PRKCE: variants seen among roughly 807,000 people sequenced by gnomAD.
PRKCE encodes protein kinase C epsilon type.
In PRKCE, 16 loss-of-function variants were observed where a neutral mutation model predicts 85.4. That is an observed-to-expected ratio of 0.19 (90% confidence interval 0.13 to 0.28). The LOEUF (loss-of-function observed/expected upper bound fraction) is 0.28, where lower values mean the gene tolerates loss of function less well. Ranked by LOEUF, PRKCE falls within the 10% of genes least tolerant of loss-of-function variation. PRKCE has a pLI of 1.00. For synonymous variants in PRKCE, 388 were observed against 371.5 expected (o/e 1.04, Z -0.51); for missense variants, 573 against 975.2 (o/e 0.59, Z 5.49).
chr2:46,017,734 A>G (rs1706288337), intron 10 of PRKCE, among the ~76,000 whole-genome samples: 1 of 152,232 alleles, frequency 6.6e-6, no homozygotes, highest in African/African-American at 2.4e-5. Context: ...TTTATTTGAT[A>G]GTAGCCATTC....
At chr2:46,083,173 TCTC>T in intron 10 of PRKCE, among the ~76,000 whole-genome samples, 1 of 152,286 alleles carries the variant, frequency 6.6e-6, no homozygotes, top group African/African-American at 2.4e-5. Flanking sequence ...TTGATCTCGA[TCTC>T]CTGGCCTCAA....
chr2:45,828,382 A>C (rs1244948197), intron 1 of PRKCE, among the ~76,000 whole-genome samples: 1 of 152,260 alleles, frequency 6.6e-6, no homozygotes, highest in Non-Finnish European at 1.5e-5. Context: ...TCTGGGCAAC[A>C]GAGCGAGACT....
chr2:45,694,472 T>A (rs1022728206), intron 1 of PRKCE, among the ~76,000 whole-genome samples: 1 of 152,214 alleles, frequency 6.6e-6, no homozygotes, highest in Admixed American at 6.5e-5. Context: ...GCCTTCCCCA[T>A]CTAAGTGCTA....
intron 11 of PRKCE, among the ~76,000 whole-genome samples, chr2:46,094,732 A>G (rs1670514479): frequency 6.6e-6 from 1 of 152,004 alleles, no homozygotes; most frequent in East Asian, 1.9e-4. Context: ...GCAGACCACC[A>G]TGGCATGCAT....
At chr2:45,677,380 C>T (rs868368537) in intron 1 of PRKCE, among the ~76,000 whole-genome samples, 58 of 135,920 alleles carry the variant, frequency 4.3e-4, no homozygotes, top group African/African-American at 1.2e-3. Context: ...GACGGAGTCT[C>T]GCTCTGTCGC....
At chr2:46,052,895 C>T (rs1041511026) in intron 10 of PRKCE, among the ~76,000 whole-genome samples, 4 of 152,196 alleles carry the variant, frequency 2.6e-5, no homozygotes, top group African/African-American at 9.7e-5. Context: ...CAAGACCATT[C>T]AATGGGAAAA....
intron 1 of PRKCE, among the ~76,000 whole-genome samples, chr2:45,728,564 C>T (rs754961174): frequency 1.1e-4 from 16 of 152,094 alleles, no homozygotes; most frequent in African/African-American, 3.1e-4. Context: ...GCCCACGTGC[C>T]GCTGGAATCT....
chr2:45,793,281 T>G (rs1445237180), intron 1 of PRKCE, among the ~76,000 whole-genome samples: 1 of 152,218 alleles, frequency 6.6e-6, no homozygotes, highest in Non-Finnish European at 1.5e-5. Context: ...CCCCAATTTC[T>G]CCATCTGTTT....
chr2:45,734,273 G>A (rs1681850110), intron 1 of PRKCE, among the ~76,000 whole-genome samples: 1 of 151,992 alleles, frequency 6.6e-6, no homozygotes, highest in South Asian at 2.1e-4. Flanking sequence ...GCTGAGGCAG[G>A]AGAATCGCTT....
chr2:45,939,689 G>A (rs985776797), intron 2 of PRKCE, among the ~76,000 whole-genome samples: 24 of 152,088 alleles, frequency 1.6e-4, no homozygotes, highest in African/African-American at 5.6e-4. Flanking sequence ...TAAGTAGCTG[G>A]GACTACAGGT....
chr2:45,878,276 A>G (rs60617337), intron 2 of PRKCE, among the ~76,000 whole-genome samples: 2,275 of 152,282 alleles, frequency 0.015, 26 homozygotes, highest in African/African-American at 0.035. Context: ...TGGACCTGTT[A>G]TGAAGGCATC....
intron 1 of PRKCE, among the ~76,000 whole-genome samples, chr2:45,660,283 G>C (rs1469409497): frequency 6.6e-6 from 1 of 152,104 alleles, no homozygotes; most frequent in African/African-American, 2.4e-5. Context: ...AGGAGAAAAG[G>C]ATATTTTATT....
At chr2:45,972,489 T>C (rs1574073298) in intron 2 of PRKCE, among the ~76,000 whole-genome samples, 1 of 152,254 alleles carries the variant, frequency 6.6e-6, no homozygotes, top group Non-Finnish European at 1.5e-5. Flanking sequence ...AACTTGTTTA[T>C]TTTTGCTTTT....
rs1320927580 is a variant in PRKCE, at chr2:45,984,564, G to A, written c.707G>A (p.Arg236Gln). The stretch of plus-strand genomic sequence containing the variant: ...CCATCCCTGCAGGTGGGCTCCCAGC[G>A]GTTCAGCGTCAACATGCCCCACAAG... Reference protein sequence around the residue: ...QETPDQVGSQRFSVNMPHKFG... With the variant: ...QETPDQVGSQQFSVNMPHKFG... Residue 236 changes from arginine to glutamine, a missense_variant, in exon 6 of 15, where the codon CGG becomes CAG. Physicochemically the swap from Arg to Gln is conservative, Grantham distance 43 (BLOSUM62 1). This residue lies in a region of PRKCE where 18 missense variants were observed against 17.4 expected (regional missense o/e 1.04). Coordinates refer to ENST00000306156, the MANE Select transcript of PRKCE (RefSeq NM_005400.3). 1.3e-6 allele frequency: 2 copies of A among 1,599,670 alleles called. No homozygotes were observed. Among genetic ancestry groups the A allele is most frequent in the Non-Finnish European group, 8.5e-7 (1 of 1,179,890 alleles).
At chr2:45,784,425 C>G (rs1558667745) in intron 1 of PRKCE, among the ~76,000 whole-genome samples, 1 of 152,216 alleles carries the variant, frequency 6.6e-6, no homozygotes, top group Non-Finnish European at 1.5e-5. Flanking sequence ...AAAAGATAAT[C>G]AGATTAATTG....
At chr2:45,880,466 T>A (rs1341386226) in intron 2 of PRKCE, among the ~76,000 whole-genome samples, 1 of 152,214 alleles carries the variant, frequency 6.6e-6, no homozygotes, top group Non-Finnish European at 1.5e-5. Context: ...ATGTCACCTC[T>A]TACAAAGAGA....
chr2:45,829,788 G>A (rs1038461098), intron 1 of PRKCE, among the ~76,000 whole-genome samples: 1 of 152,168 alleles, frequency 6.6e-6, no homozygotes, highest in Non-Finnish European at 1.5e-5. Flanking sequence ...AAATTGGAAG[G>A]CTCGGCCGGG....
At chr2:45,848,322 T>C (rs4953272) in intron 2 of PRKCE, among the ~76,000 whole-genome samples, 1 of 150,038 alleles carries the variant, frequency 6.7e-6, no homozygotes, top group African/African-American at 2.5e-5. Context: ...TTTTTTTTTC[T>C]TTTTTTGAGA....
intron 2 of PRKCE, among the ~76,000 whole-genome samples, chr2:45,942,513 GC>G (rs1699957634): frequency 6.6e-6 from 1 of 152,220 alleles, no homozygotes; most frequent in Non-Finnish European, 1.5e-5. Context: ...GGAACGTGCA[GC>G]CGTTGTGATG....
Sources: gnomAD v4.1 joint callset for allele counts (sites outside exome capture counted in the v4.1 genomes callset) on GRCh38, gnomAD v4.1.1 for gene constraint, gnomAD v4.1.1 regional missense constraint, MANE v1.5 for transcripts, NCBI Gene and HGNC (gene_info 2026-07-23, HGNC 2026-07-21) for gene names.